GLI3: variants seen among roughly 807,000 people sequenced by gnomAD.
The protein encoded by GLI3 is transcription activator GLI3.
Under a neutral mutation model 100.8 loss-of-function variants are expected in GLI3, and 20 were observed. The ratio of observed to expected loss-of-function variants is 0.20; its 90% CI spans 0.14 to 0.29. The LOEUF (loss-of-function observed/expected upper bound fraction) is 0.29, where lower values mean the gene tolerates loss of function less well. Among genes scored for constraint, GLI3 ranks in the 10% least tolerant of loss-of-function variants. GLI3 has a pLI of 1.00. For missense variants in GLI3, 2,040 were observed against 2,128.5 expected (o/e 0.96, Z 0.82); for synonymous variants, 938 against 860.5 (o/e 1.09, Z -1.58).
intron 10 of GLI3, among the ~76,000 whole-genome samples, chr7:42,010,972 T>TACAGA (rs1554312544): frequency 6.6e-6 from 1 of 152,198 alleles, no homozygotes; most frequent in Non-Finnish European, 1.5e-5. Flanking sequence ...TGTTCATTCC[T>TACAGA]ACAGAACAGA....
At chr7:42,038,078 T>C (rs1389806002) in intron 7 of GLI3, among the ~76,000 whole-genome samples, 2 of 152,248 alleles carry the variant, frequency 1.3e-5, no homozygotes, top group East Asian at 1.9e-4. Context: ...TGACTATCAC[T>C]GTGTGCCACA....
rs1443355024 is a variant in GLI3 at position 42,219,097 on chromosome 7, C to T, written c.124+4033G>A. On this transcript the variant is annotated intron_variant, in intron 2 of 14. Transcript: ENST00000395925. ...CTACATCAAAAAGAGATTATTAAGG[C>T]ATTTTACTTACAGTCTTCACACATT... Among the ~76,000 whole-genome samples, 5 of 152,184 alleles carry T rather than the reference C, an allele frequency of 3.3e-5. No homozygotes were observed. In the East Asian group the frequency reaches 5.8e-4, roughly 18 times the overall value.
At chr7:42,035,636 TGCGTA>T (rs1378309693) in intron 7 of GLI3, among the ~76,000 whole-genome samples, 4 of 152,232 alleles carry the variant, frequency 2.6e-5, no homozygotes, top group Non-Finnish European at 5.9e-5. Context: ...GGGTTAGAAA[TGCGTA>T]GAGTACTCAT....
intron 2 of GLI3, among the ~76,000 whole-genome samples, chr7:42,171,566 A>G (rs1282224671): frequency 6.6e-6 from 1 of 152,236 alleles, no homozygotes; most frequent in Non-Finnish European, 1.5e-5. Flanking sequence ...CACAATGATT[A>G]TTGCTTTTGT....
chr7:42,200,454 T>A (rs994034201), intron 2 of GLI3, among the ~76,000 whole-genome samples: 1 of 152,134 alleles, frequency 6.6e-6, no homozygotes, highest in Non-Finnish European at 1.5e-5. Context: ...CACTAACTCA[T>A]GTAGATGCAG....
intron 2 of GLI3, among the ~76,000 whole-genome samples, chr7:42,177,714 T>G (rs972724783): frequency 2.0e-5 from 3 of 152,096 alleles, no homozygotes; most frequent in African/African-American, 7.2e-5. Flanking sequence ...AAAACATAGA[T>G]GGGCCAGCAG....
intron 1 of GLI3, among the ~76,000 whole-genome samples, chr7:42,253,085 C>T (rs1789050225): frequency 6.6e-6 from 1 of 152,128 alleles, no homozygotes. Context: ...GCAGAAACCA[C>T]GTGCAATTTT....
At chr7:42,061,875 C>G (rs190171808) in intron 4 of GLI3, among the ~76,000 whole-genome samples, 1 of 152,108 alleles carries the variant, frequency 6.6e-6, no homozygotes, top group Non-Finnish European at 1.5e-5. Flanking sequence ...TCATGGCCTT[C>G]GGGAACTTTG....
intron 2 of GLI3, among the ~76,000 whole-genome samples, chr7:42,156,119 A>T (rs1786997413): frequency 6.6e-6 from 1 of 152,200 alleles, no homozygotes; most frequent in African/African-American, 2.4e-5. Flanking sequence ...CCCTACAGAA[A>T]GACTTGCCAA....
intron 10 of GLI3, among the ~76,000 whole-genome samples, chr7:41,983,181 T>C (rs1182965247): frequency 6.6e-6 from 1 of 152,234 alleles, no homozygotes; most frequent in Non-Finnish European, 1.5e-5. Context: ...ATGAGCTCTG[T>C]TTCCTTCTCG....
In GLI3 at chr7:41,977,435, C is replaced by A. The variant is rs1027080089; in HGVS notation, c.1812+123G>T. 4 of 959,756 alleles carry A rather than the reference C, an allele frequency of 4.2e-6. No individual in the cohort carries two copies. The African/African-American group carries it at 6.5e-5, about 16-fold the overall frequency. The allele number at this position is 959,756 out of a possible 1,614,324, so 59.5% of individuals were successfully genotyped here. A position where few individuals can be genotyped will look rare whatever the true frequency, so the allele number is the denominator to read the frequency against. ...CAAGCCTTCACCTGCAGGGGCAGAG[C>A]CCCTCATGCTGGGAATGGCCAAGGG... On this transcript the variant is annotated intron_variant, in intron 12 of 14. Transcript: ENST00000395925.
At chr7:42,039,906 G>T in intron 7 of GLI3, 132 bp downstream of exon 7, 1 of 734,672 alleles carries the variant, frequency 1.4e-6, no homozygotes, top group Non-Finnish European at 2.4e-6. Flanking sequence ...CCTGCCTCTT[G>T]GTATAGGCAC....
At chr7:42,042,082 C>T (rs1207057197) in intron 6 of GLI3, among the ~76,000 whole-genome samples, 15 of 148,350 alleles carry the variant, frequency 1.0e-4, no homozygotes, top group African/African-American at 2.0e-4. Flanking sequence ...GGCACGATCT[C>T]GGCTCACTGC....
chr7:42,181,178 A>G (rs1031149469), intron 2 of GLI3, among the ~76,000 whole-genome samples: 1 of 152,236 alleles, frequency 6.6e-6, no homozygotes, highest in African/African-American at 2.4e-5. Context: ...TCTAGAAAAC[A>G]GACTTTCTAG....
At chr7:42,087,409 G>T (rs1242455550) in intron 3 of GLI3, among the ~76,000 whole-genome samples, 1 of 152,150 alleles carries the variant, frequency 6.6e-6, no homozygotes, top group African/African-American at 2.4e-5. Flanking sequence ...TGACCAGGCT[G>T]CCTGCCTTCT....
intron 3 of GLI3, among the ~76,000 whole-genome samples, chr7:42,084,286 C>CA (rs1324419923): frequency 3.3e-5 from 5 of 152,194 alleles, no homozygotes; most frequent in Non-Finnish European, 7.3e-5. Flanking sequence ...AAGAAAATGC[C>CA]AAATGTTCCT....
In GLI3 at chr7:41,965,173, C is replaced by A. The variant is rs559754489; in HGVS notation, c.3900G>T (p.Ala1300=). ...CCATGCTGCCAGCTGACTCATTTGG[C>A]GCTACCGGCAGGCCGAAATTCAGCT... The part of the protein sequence containing the change: ...GGQLNFGLPV[A]PNESAGSMVN... The change falls in exon 15 of 15, where the codon GCG becomes GCT. Residue 1300 remains alanine (A), a synonymous_variant. Transcript: ENST00000395925. The A allele has an allele frequency of 1.2e-6, 2 of 1,613,814 alleles. No homozygotes were observed. The highest frequency in any genetic ancestry group is 1.7e-6 in the Non-Finnish European group (2 of 1,180,038).
intron 10 of GLI3, among the ~76,000 whole-genome samples, chr7:41,990,532 C>T (rs958319960): frequency 1.3e-5 from 2 of 152,168 alleles, no homozygotes; most frequent in Admixed American, 1.3e-4. Context: ...ACAATCAGCT[C>T]TTGAACTGGC....
At chr7:42,179,149 C>A (rs989677437) in intron 2 of GLI3, among the ~76,000 whole-genome samples, 4 of 152,004 alleles carry the variant, frequency 2.6e-5, no homozygotes, top group Admixed American at 1.3e-4. Flanking sequence ...CTCACGAGAT[C>A]TGATGATTTT....
Sources: gnomAD v4.1 joint callset for allele counts (sites outside exome capture counted in the v4.1 genomes callset) on GRCh38, gnomAD v4.1.1 for gene constraint, MANE v1.5 for transcripts, NCBI Gene and HGNC (gene_info 2026-07-23, HGNC 2026-07-21) for gene names.